Variants in CACNB2 observed in about 807,000 individuals in gnomAD.
CACNB2 encodes voltage-dependent L-type calcium channel subunit beta-2.
In CACNB2, 42 loss-of-function variants were observed where a neutral mutation model predicts 73.3. The ratio of observed to expected loss-of-function variants is 0.57; its 90% confidence interval spans 0.45 to 0.74. The LOEUF (loss-of-function observed/expected upper bound fraction) is 0.74, where lower values mean the gene tolerates loss of function less well. Ranked by LOEUF, CACNB2 falls within the 30% of genes least tolerant of loss-of-function variation. CACNB2 has a pLI of 0.00. For missense variants in CACNB2, 940 were observed against 853.0 expected, an observed-to-expected ratio of 1.10 and a Z score of -1.27; for synonymous variants, 348 against 310.3, an observed-to-expected ratio of 1.12 and a Z score of -1.28.
intron 2 of CACNB2, among the ~76,000 whole-genome samples, chr10:18,168,519 G>GTGTGTA (rs71507258): frequency 7.2e-5 from 11 of 151,798 alleles, no homozygotes; most frequent in African/African-American, 2.7e-4. Context: ...GTGTGTGTGT[G>GTGTGTA]AGTGTGTGTG....
chr10:18,152,742 A>AAAAAAAAT (rs2031702283), intron 2 of CACNB2, among the ~76,000 whole-genome samples: 1 of 139,528 alleles, frequency 7.2e-6, no homozygotes, highest in Non-Finnish European at 1.5e-5. Context: ...ACAAAAAACA[A>AAAAAAAAT]AACACTAGCT....
intron 2 of CACNB2, among the ~76,000 whole-genome samples, chr10:18,241,000 T>C (rs894194607): frequency 2.0e-5 from 3 of 152,344 alleles, no homozygotes; most frequent in African/African-American, 7.2e-5. Flanking sequence ...CCTCCTGTTC[T>C]GTTCACGGTT....
chr10:18,164,391 G>T (rs778780922), intron 2 of CACNB2, among the ~76,000 whole-genome samples: 2 of 152,126 alleles, frequency 1.3e-5, no homozygotes, highest in Non-Finnish European at 2.9e-5. Flanking sequence ...GAGAGCAATC[G>T]TTGAAAGAAA....
chr10:18,398,065 TA>T (rs1407850107), intron 2 of CACNB2, among the ~76,000 whole-genome samples: 4 of 152,154 alleles, frequency 2.6e-5, no homozygotes, highest in African/African-American at 9.7e-5. Context: ...ATTCCGGAGT[TA>T]TGGAAACGAC....
At chr10:18,334,602 T>C (rs191418241) in intron 2 of CACNB2, among the ~76,000 whole-genome samples, 52 of 152,266 alleles carry the variant, frequency 3.4e-4, no homozygotes, top group African/African-American at 1.2e-3. Context: ...GCAGGATTGT[T>C]CTTTGTGATG....
chr10:18,314,058 A>G (rs2040062257), intron 2 of CACNB2, among the ~76,000 whole-genome samples: 2 of 152,230 alleles, frequency 1.3e-5, no homozygotes, highest in African/African-American at 4.8e-5. Flanking sequence ...TCAGGCTGTT[A>G]TTAGCCTTTT....
At chr10:18,201,133 T>C (rs994578392) in intron 2 of CACNB2, among the ~76,000 whole-genome samples, 5 of 152,234 alleles carry the variant, frequency 3.3e-5, no homozygotes, top group Admixed American at 2.0e-4. Context: ...ATTTTATCTA[T>C]GCATTACTAT....
At chr10:18,395,284 G>A (rs115864420) in intron 2 of CACNB2, among the ~76,000 whole-genome samples, 4 of 152,154 alleles carry the variant, frequency 2.6e-5, no homozygotes, top group East Asian at 1.9e-4. Context: ...TTCTCAATGC[G>A]TTGCAGGGCT....
intron 1 of CACNB2, among the ~76,000 whole-genome samples, chr10:18,144,266 G>C (rs1232996218): frequency 1.3e-5 from 2 of 152,174 alleles, no homozygotes; most frequent in African/African-American, 4.8e-5. Flanking sequence ...TTTTAGTAGA[G>C]ACGAGGTTTC....
intron 2 of CACNB2, among the ~76,000 whole-genome samples, chr10:18,199,574 A>G (rs376246992): frequency 1.3e-5 from 2 of 152,140 alleles, no homozygotes; most frequent in East Asian, 1.9e-4. Context: ...GAGAAGGAGT[A>G]ATAGGAGACA....
At chr10:18,156,890 T>C (rs1588570528) in intron 2 of CACNB2, among the ~76,000 whole-genome samples, 1 of 134,224 alleles carries the variant, frequency 7.5e-6, no homozygotes, top group African/African-American at 2.8e-5. Flanking sequence ...AAAAAAAAAA[T>C]TGGCTGGGTG....
chr10:18,410,724 G>C (rs1268274919), intron 3 of CACNB2, among the ~76,000 whole-genome samples: 1 of 152,182 alleles, frequency 6.6e-6, no homozygotes, highest in Non-Finnish European at 1.5e-5. Flanking sequence ...GCTCATGCCT[G>C]TAATCCCAGC....
chr10:18,343,462 G>C (rs1174054661), intron 2 of CACNB2, among the ~76,000 whole-genome samples: 1 of 152,130 alleles, frequency 6.6e-6, no homozygotes, highest in Non-Finnish European at 1.5e-5. Context: ...CTGAGCCTCA[G>C]TTTCATCATC....
At chr10:18,236,922 G>A (rs2036467879) in intron 2 of CACNB2, among the ~76,000 whole-genome samples, 1 of 152,150 alleles carries the variant, frequency 6.6e-6, no homozygotes, top group South Asian at 2.1e-4. Context: ...CTAGGAAGCT[G>A]GGGATATTCC....
chr10:18,539,734 G>A lies in CACNB2; in HGVS notation c.*10G>A, dbSNP rs4747352. The A allele has an allele frequency of 3.8e-6, 6 of 1,577,806 alleles. No individual in the cohort carries two copies. The African/African-American group carries it at 5.6e-5, about 15-fold the overall frequency. ...TTACATCCGCCAATGAGTTTTGCCC[G>A]TTTGTGTTTTTTTTTTTTTTTTTTT... On this transcript the variant is annotated 3_prime_UTR_variant, in exon 14 of 14. Transcript: ENST00000324631.
chr10:18,301,867 T>A (rs910006888), intron 2 of CACNB2, among the ~76,000 whole-genome samples: 1 of 151,980 alleles, frequency 6.6e-6, no homozygotes, highest in Non-Finnish European at 1.5e-5. Flanking sequence ...CAGGCTGGTC[T>A]CGATCTCCTG....
chr10:18,428,304 C>T (rs1462026946), intron 3 of CACNB2, among the ~76,000 whole-genome samples: 2 of 152,158 alleles, frequency 1.3e-5, no homozygotes, highest in African/African-American at 4.8e-5. Flanking sequence ...CACATGTTTG[C>T]ACTTAGTTTC....
chr10:18,219,505 G>C (rs2489204), intron 2 of CACNB2, among the ~76,000 whole-genome samples: 128,277 of 152,136 alleles, frequency 0.84, 54,258 homozygotes, highest in African/African-American at 0.91. Context: ...CTGTAGTCCT[G>C]TTAATGCCTA....
At chr10:18,317,373 T>C (rs2040232559) in intron 2 of CACNB2, among the ~76,000 whole-genome samples, 1 of 152,136 alleles carries the variant, frequency 6.6e-6, no homozygotes, top group African/African-American at 2.4e-5. Flanking sequence ...ACCCAATAGA[T>C]GGTTTTTCAC....
Sources: gnomAD v4.1 joint callset for allele counts (sites outside exome capture counted in the v4.1 genomes callset) on GRCh38, gnomAD v4.1.1 for gene constraint, MANE v1.5 for transcripts, NCBI Gene and HGNC (gene_info 2026-07-23, HGNC 2026-07-21) for gene names.